The following DENND5A variants were observed in gnomAD, a reference collection of about 807,000 sequenced individuals.
DENND5A encodes the protein DENN domain-containing protein 5A.
In DENND5A, 64 loss-of-function variants were observed where a neutral mutation model predicts 140.3. The ratio of observed to expected loss-of-function variants is 0.46; its 90% confidence interval spans 0.37 to 0.56. The LOEUF (loss-of-function observed/expected upper bound fraction) is 0.56. Ranked by LOEUF, DENND5A falls within the 20% of genes least tolerant of loss-of-function variation. The pLI is 0.00. For synonymous variants in DENND5A, 605 were observed against 607.7 expected (o/e 1.00, Z 0.07); for missense variants, 1,292 against 1,593.8 (o/e 0.81, Z 3.22).
chr11:9,180,936 C>A lies in DENND5A; in HGVS notation c.1286G>T (p.Ser429Ile). 1 of 1,614,198 alleles carries A rather than the reference C, an allele frequency of 6.2e-7. No homozygotes were observed. The highest frequency in any genetic ancestry group is 8.5e-7 in the Non-Finnish European group (1 of 1,180,038). ...CCTCTTCAGCTTGGAGGCACTCTCA[C>A]TGCAATGAAGATTCCCTTCAGGGGG... ...GIPPEGNLHC[S>I]ESASKLKRLR... The change falls in exon 6 of 23, where the codon AGT becomes ATT. Residue 429 changes from serine to isoleucine, a missense_variant. By Grantham distance (142) the Ser-to-Ile change is moderately radical (BLOSUM62 -2). Around this residue, in one of 4 missense-constraint regions of DENND5A, gnomAD observed 566 missense variants for 650.4 expected, o/e 0.87. Transcript: ENST00000328194.
chr11:9,171,203 G>C (rs183530390), intron 8 of DENND5A: 3 of 164,804 alleles, frequency 1.8e-5, no homozygotes, highest in Admixed American at 1.2e-4. Flanking sequence ...GCATTCAGCA[G>C]GGTAATGGGT....
At chr11:9,179,110 C>CT (rs1848642126) in intron 6 of DENND5A, 37 bp from the exon 7 acceptor site, 4 of 1,574,872 alleles carry the variant, frequency 2.5e-6, no homozygotes, top group Non-Finnish European at 3.5e-6. Context: ...AACACATACA[C>CT]TTTTTCCTTT....
chr11:9,150,200 C>A lies in DENND5A; in HGVS notation c.2616G>T (p.Gln872His). 1 of 1,613,562 alleles carries A rather than the reference C, an allele frequency of 6.2e-7. No homozygotes were observed. Residue 872 changes from glutamine to histidine, a missense_variant, in exon 15 of 23, where the codon CAG (glutamine) becomes CAT (histidine). By Grantham distance (24) the Gln-to-His change is conservative (BLOSUM62 0). Coordinates refer to ENST00000328194, the MANE Select transcript of DENND5A (RefSeq NM_015213.4). The part of the protein sequence containing the change: ...ISLIQDMRHI[Q>H]NIGEIKTDVG... Reference sequence around the variant, plus strand: ...CATCAGTCTTGATTTCCCCGATGTTCTGGATGTGCCTGGAGGAAGAATGTA... The same window carrying A: ...CATCAGTCTTGATTTCCCCGATGTTATGGATGTGCCTGGAGGAAGAATGTA...
chr11:9,149,955 T>C, intron 15 of DENND5A, 126 bp downstream of exon 15: 1 of 1,322,966 alleles, frequency 7.6e-7, no homozygotes. Context: ...AAAACCTTCA[T>C]AAGCAAAGAG....
At chr11:9,147,195 G>A (rs1847461312) in intron 15 of DENND5A, 44 bp from the exon 16 acceptor site, 1 of 1,601,912 alleles carries the variant, frequency 6.2e-7, no homozygotes, top group African/African-American at 1.3e-5. Context: ...CCAAAAGGAA[G>A]GGAAAGAAAC....
chr11:9,237,160 T>A (rs913963819), intron 1 of DENND5A, among the ~76,000 whole-genome samples: 4 of 152,244 alleles, frequency 2.6e-5, no homozygotes, highest in African/African-American at 7.2e-5. Flanking sequence ...CTCACGCCTG[T>A]AATCCCAACA....
chr11:9,216,178 T>C (rs1850087373), intron 1 of DENND5A, among the ~76,000 whole-genome samples: 1 of 152,204 alleles, frequency 6.6e-6, no homozygotes, highest in African/African-American at 2.4e-5. Flanking sequence ...ATTTACTGAG[T>C]CTTGTGAGTC....
intron 1 of DENND5A, 82 bp downstream of exon 1, chr11:9,264,879 A>G: frequency 7.8e-7 from 1 of 1,276,004 alleles, no homozygotes; most frequent in Non-Finnish European, 1.1e-6. Context: ...CCCGGGACAA[A>G]GCGGGGCTGA....
intron 1 of DENND5A, among the ~76,000 whole-genome samples, chr11:9,227,234 T>C (rs1850570192): frequency 6.6e-6 from 1 of 151,740 alleles, no homozygotes; most frequent in Non-Finnish European, 1.5e-5. Flanking sequence ...AGAGTGATAT[T>C]TTCTCCACTC....
chr11:9,164,666 C>T (rs994801589), intron 11 of DENND5A, among the ~76,000 whole-genome samples: 2 of 152,054 alleles, frequency 1.3e-5, no homozygotes, highest in Admixed American at 6.6e-5. Context: ...TAAGCTTAAA[C>T]GGAATGACAC....
At chr11:9,218,719 G>A (rs1239306545) in intron 1 of DENND5A, among the ~76,000 whole-genome samples, 2 of 151,676 alleles carry the variant, frequency 1.3e-5, no homozygotes, top group African/African-American at 4.8e-5. Flanking sequence ...AAAAATAAAT[G>A]TATTGGGCCG....
At chr11:9,257,938 G>A (rs1321456104) in intron 1 of DENND5A, among the ~76,000 whole-genome samples, 1 of 151,640 alleles carries the variant, frequency 6.6e-6, no homozygotes, top group East Asian at 1.9e-4. Flanking sequence ...GATTATAGGT[G>A]TGTGCCACCA....
At chr11:9,160,453 A>ATCAGGTTGGCCT in intron 12 of DENND5A, among the ~76,000 whole-genome samples, 1 of 152,254 alleles carries the variant, frequency 6.6e-6, no homozygotes, top group Non-Finnish European at 1.5e-5. Context: ...AACAGGACCT[A>ATCAGGTTGGCCT]TCAGGTTGGC....
At chr11:9,195,875 T>C (rs1347022479) in intron 4 of DENND5A, among the ~76,000 whole-genome samples, 1 of 152,162 alleles carries the variant, frequency 6.6e-6, no homozygotes, top group Non-Finnish European at 1.5e-5. Flanking sequence ...GAATATCTTT[T>C]AAGTGACATT....
At chr11:9,214,087 G>A (rs758355097) in intron 1 of DENND5A, among the ~76,000 whole-genome samples, 7 of 152,214 alleles carry the variant, frequency 4.6e-5, no homozygotes, top group African/African-American at 1.7e-4. Flanking sequence ...ACTGAGTGTC[G>A]TCCATGCTAT....
chr11:9,203,456 C>T, intron 4 of DENND5A: 1 of 546,098 alleles, frequency 1.8e-6, no homozygotes, highest in Non-Finnish European at 3.2e-6. Context: ...CTGGAATGCC[C>T]AGCAAAAGGC....
chr11:9,156,631 A>G (rs1279521460), intron 12 of DENND5A, among the ~76,000 whole-genome samples: 1 of 151,486 alleles, frequency 6.6e-6, no homozygotes, highest in Non-Finnish European at 1.5e-5. Context: ...CGTCTCAAAA[A>G]AAAAAAAAAA....
intron 5 of DENND5A, among the ~76,000 whole-genome samples, chr11:9,187,472 C>T (rs1414488631): frequency 6.6e-6 from 1 of 152,286 alleles, no homozygotes; most frequent in African/African-American, 2.4e-5. Flanking sequence ...ATCTTCCGCT[C>T]AAGGTCACAA....
intron 1 of DENND5A, among the ~76,000 whole-genome samples, chr11:9,213,485 G>A (rs1234768537): frequency 6.6e-6 from 1 of 151,288 alleles, no homozygotes; most frequent in Non-Finnish European, 1.5e-5. Context: ...TAAAACAGAG[G>A]CTGCAGGCAA....
Sources: gnomAD v4.1 joint callset for allele counts (sites outside exome capture counted in the v4.1 genomes callset) on GRCh38, gnomAD v4.1.1 for gene constraint, gnomAD v4.1.1 regional missense constraint, MANE v1.5 for transcripts, NCBI Gene and HGNC (gene_info 2026-07-23, HGNC 2026-07-21) for gene names.